Variants in SPTLC3 observed in about 807,000 individuals in gnomAD.
SPTLC3 encodes serine palmitoyltransferase long chain base subunit 3.
A neutral mutation model predicts 59.3 loss-of-function variants in SPTLC3; 36 were observed. The observed-to-expected ratio is 0.61, with a 90% CI of 0.47 to 0.80. SPTLC3 has a LOEUF of 0.80. Ranked by LOEUF, SPTLC3 falls within the 30% of genes least tolerant of loss-of-function variation. The pLI is 0.00. For synonymous variants in SPTLC3, 257 were observed against 240.8 expected (o/e 1.07, Z -0.62); for missense variants, 625 against 685.1 (o/e 0.91, Z 0.98).
At chr20:13,163,991 T>C (rs182118106) in intron 11 of SPTLC3, among the ~76,000 whole-genome samples, 208 of 152,262 alleles carry the variant, frequency 1.4e-3, no homozygotes, top group African/African-American at 4.7e-3. Flanking sequence ...GCCATGTTGG[T>C]GTGCTGCACC....
At chr20:13,028,871 T>C (rs1319956095) in intron 1 of SPTLC3, among the ~76,000 whole-genome samples, 4 of 152,186 alleles carry the variant, frequency 2.6e-5, no homozygotes, top group Non-Finnish European at 5.9e-5. Flanking sequence ...CCTTTACTGC[T>C]GATGAAGCTA....
intron 1 of SPTLC3, among the ~76,000 whole-genome samples, chr20:13,011,950 A>G (rs1255136535): frequency 6.6e-6 from 1 of 152,078 alleles, no homozygotes; most frequent in Admixed American, 6.6e-5. Context: ...TATAAACTTG[A>G]TATTTCTTAT....
At chr20:13,160,213 G>T in intron 11 of SPTLC3, 81 bp downstream of exon 11, 1 of 1,461,730 alleles carries the variant, frequency 6.8e-7, no homozygotes. Context: ...ACAGCTTGGG[G>T]TTCTCTGGGT....
intron 1 of SPTLC3, among the ~76,000 whole-genome samples, chr20:13,011,732 C>T (rs1421620587): frequency 3.4e-5 from 5 of 148,088 alleles, no homozygotes; most frequent in African/African-American, 1.2e-4. Flanking sequence ...GACTATTTTT[C>T]CTGTTTTTTT....
Position 13,165,102 on chromosome 20 carries a change from A to G in SPTLC3, c.*235A>G. 9.5e-6 allele frequency: 4 copies of G among 419,412 alleles called. No individual in the cohort carries two copies. The highest frequency in any genetic ancestry group is 1.7e-5 in the Non-Finnish European group (4 of 232,744). The allele number at this position is 419,412 out of a possible 1,614,324, so 26.0% of individuals were successfully genotyped here. A position where few individuals can be genotyped will look rare whatever the true frequency, so the allele number is the denominator to read the frequency against. On this transcript the variant is annotated 3_prime_UTR_variant, in exon 12 of 12. Coordinates refer to ENST00000399002, the MANE Select transcript of SPTLC3 (RefSeq NM_018327.4). Reference sequence around the variant, plus strand: ...CTTCCAAGTATTCTACTAGAAATACACACACACACACACACACACTTCTGA... The same window carrying G: ...CTTCCAAGTATTCTACTAGAAATACGCACACACACACACACACACTTCTGA...
chr20:13,064,589 A>G (rs1988120454), intron 2 of SPTLC3, among the ~76,000 whole-genome samples: 1 of 152,216 alleles, frequency 6.6e-6, no homozygotes, highest in Non-Finnish European at 1.5e-5. Context: ...TGTGAGCCAC[A>G]GAGCACGGCT....
intron 9 of SPTLC3, among the ~76,000 whole-genome samples, chr20:13,129,002 G>A (rs1157002566): frequency 4.0e-5 from 6 of 151,098 alleles, no homozygotes; most frequent in African/African-American, 7.3e-5. Flanking sequence ...TCAGCCTCCC[G>A]AGTAGCTGGG....
intron 7 of SPTLC3, among the ~76,000 whole-genome samples, chr20:13,113,496 G>A (rs771971117): frequency 1.3e-5 from 2 of 152,056 alleles, no homozygotes; most frequent in Non-Finnish European, 2.9e-5. Context: ...GATAGAAAAG[G>A]CTAGATACCC....
intron 1 of SPTLC3, among the ~76,000 whole-genome samples, chr20:13,038,717 T>G (rs190503954): frequency 3.3e-5 from 5 of 152,252 alleles, no homozygotes; most frequent in Non-Finnish European, 7.4e-5. Context: ...ACTTTTTCCA[T>G]GGTCTTAAGA....
chr20:13,138,450 C>G (rs1340660845), intron 9 of SPTLC3, among the ~76,000 whole-genome samples: 8 of 152,128 alleles, frequency 5.3e-5, no homozygotes, highest in Admixed American at 3.9e-4. Context: ...CAGTCCCTTG[C>G]GGTTTTTACT....
chr20:13,095,858 G>A (rs777652832), intron 6 of SPTLC3, among the ~76,000 whole-genome samples: 3 of 152,128 alleles, frequency 2.0e-5, no homozygotes, highest in Non-Finnish European at 2.9e-5. Context: ...GGCAGAGAAT[G>A]TGTTCCAAGC....
chr20:13,017,850 G>A (rs559526189), intron 1 of SPTLC3, among the ~76,000 whole-genome samples: 1 of 152,276 alleles, frequency 6.6e-6, no homozygotes, highest in African/African-American at 2.4e-5. Flanking sequence ...CCAAAAACGT[G>A]ATGGAAGGGA....
chr20:13,126,085 C>T (rs1168015106), intron 8 of SPTLC3, among the ~76,000 whole-genome samples: 1 of 152,148 alleles, frequency 6.6e-6, no homozygotes, highest in Non-Finnish European at 1.5e-5. Context: ...TCATTGGAAC[C>T]TTCTCTAACT....
intron 6 of SPTLC3, among the ~76,000 whole-genome samples, chr20:13,101,885 C>T (rs891926634): frequency 6.6e-6 from 1 of 152,144 alleles, no homozygotes; most frequent in African/African-American, 2.4e-5. Context: ...AGCGAGACTG[C>T]AGGCAACCTC....
In SPTLC3 at chr20:13,168,132, A is replaced by T. The variant is rs1468574408; in HGVS notation, c.*3265A>T. 6.6e-6 allele frequency: 1 copy of T among 150,458 alleles called. No homozygotes were observed. The highest frequency in any genetic ancestry group is 1.5e-5 in the Non-Finnish European group (1 of 67,642). 9.3% of individuals were successfully genotyped at this position (150,458 alleles called of 1,614,324 possible). On this transcript the variant is annotated 3_prime_UTR_variant, in exon 12 of 12. Coordinates refer to ENST00000399002, the MANE Select transcript of SPTLC3 (RefSeq NM_018327.4). ...TCTTCAGTTTTCTGTATCATTCCCT[A>T]TAAGATGCCCATTTGCTTTGAATGT...
chr20:13,066,362 T>C (rs1263761905), intron 2 of SPTLC3, among the ~76,000 whole-genome samples: 2 of 152,212 alleles, frequency 1.3e-5, no homozygotes, highest in Admixed American at 1.3e-4. Context: ...TTGTCGAAGA[T>C]CCATTACTGT....
At position 13,168,319 on chromosome 20, in the gene SPTLC3, G is replaced by C. The variant is rs1408468088; in HGVS notation, c.*3452G>C. The C allele has an allele frequency of 6.6e-6, 1 of 152,142 alleles. No individual in the cohort carries two copies. Among genetic ancestry groups the C allele is most frequent in the Non-Finnish European group, 1.5e-5 (1 of 68,140 alleles). The allele number at this position is 152,142 out of a possible 1,614,324, so 9.4% of individuals were successfully genotyped here. On this transcript the variant is annotated 3_prime_UTR_variant, in exon 12 of 12. Coordinates refer to ENST00000399002, the MANE Select transcript of SPTLC3 (RefSeq NM_018327.4). ...CTGCCTCAGCCTCCTGAGGAGCTGA[G>C]TTTACAGGCATGTGCCACCAAGCAT...
At chr20:13,074,864 T>A (rs1988586445) in intron 4 of SPTLC3, among the ~76,000 whole-genome samples, 1 of 152,232 alleles carries the variant, frequency 6.6e-6, no homozygotes, top group Non-Finnish European at 1.5e-5. Context: ...TCTCTGCTCC[T>A]AAAACATAAG....
At chr20:13,047,645 C>G (rs1987288365) in intron 1 of SPTLC3, among the ~76,000 whole-genome samples, 1 of 151,860 alleles carries the variant, frequency 6.6e-6, no homozygotes, top group Non-Finnish European at 1.5e-5. Flanking sequence ...ATCAATTGAG[C>G]AGATGTTGTT....
Sources: gnomAD v4.1 joint callset for allele counts (sites outside exome capture counted in the v4.1 genomes callset) on GRCh38, gnomAD v4.1.1 for gene constraint, MANE v1.5 for transcripts, NCBI Gene and HGNC (gene_info 2026-07-23, HGNC 2026-07-21) for gene names.